Variants in MAP2K5 observed in about 807,000 individuals in gnomAD.
MAP2K5 encodes dual specificity mitogen-activated protein kinase kinase 5.
A neutral mutation model predicts 83.1 loss-of-function variants in MAP2K5; 49 were observed. The ratio of observed to expected loss-of-function variants is 0.59; its 90% confidence interval spans 0.47 to 0.75. MAP2K5 has a LOEUF of 0.75. MAP2K5 is among the 30% of genes least tolerant of loss of function. MAP2K5 has a pLI of 0.00. For missense variants in MAP2K5, 457 were observed against 557.5 expected (o/e 0.82, Z 1.82); for synonymous variants, 202 against 191.8 (o/e 1.05, Z -0.44).
At chr15:67,670,861 A>G (rs939568452) in intron 13 of MAP2K5, among the ~76,000 whole-genome samples, 2 of 152,224 alleles carry the variant, frequency 1.3e-5, no homozygotes, top group African/African-American at 4.8e-5. Context: ...ACAATTTGAA[A>G]CATCTGGAAA....
intron 8 of MAP2K5, among the ~76,000 whole-genome samples, chr15:67,611,499 G>A (rs920409715): frequency 3.3e-5 from 5 of 152,056 alleles, no homozygotes; most frequent in African/African-American, 9.7e-5. Context: ...GCCCTTATAC[G>A]TGGAAGATGC....
intron 4 of MAP2K5, 69 bp from the exon 5 acceptor site, chr15:67,585,812 TCTTTTTAAA>T: frequency 7.7e-7 from 1 of 1,303,860 alleles, no homozygotes. Context: ...CACCCTCATT[TCTTTTTAAA>T]CGATTCATTT....
chr15:67,720,088 C>T lies in MAP2K5; in HGVS notation c.1045-7828C>T, dbSNP rs958022107. On this transcript the variant is annotated intron_variant, in intron 16 of 21. Transcript: ENST00000178640. This position sits in a 1 kb window ranked among gnomAD's most constrained non-coding sequence, Gnocchi z 5.7. ...GGCATTTTTAAATTGAGGGTTTTTT[C>T]CCCTTTTTTATTTATCAATTAGCTG... 9.2e-5 allele frequency among the ~76,000 whole-genome samples: 14 copies of T among 151,988 alleles called. No homozygotes were observed. The highest frequency in any genetic ancestry group is 3.9e-4 in the Admixed American group (6 of 15,252).
chr15:67,802,728 A>G lies in MAP2K5; in HGVS notation c.1243-3918A>G, dbSNP rs1211759178. Among the ~76,000 whole-genome samples, 1 of 152,214 alleles carries G rather than the reference A, an allele frequency of 6.6e-6. No individual in the cohort carries two copies. Among genetic ancestry groups the G allele is most frequent in the Non-Finnish European group, 1.5e-5 (1 of 68,034 alleles). ...CTGGGGCGGTCACCGTGGGTGGAAG[A>G]TGCTCTTGACAAGCATCTGTATTGG... On this transcript the variant is annotated intron_variant, in intron 21 of 21. Transcript: ENST00000178640. This position sits in a 1 kb window ranked among gnomAD's most constrained non-coding sequence, Gnocchi z 5.0.
intron 9 of MAP2K5, among the ~76,000 whole-genome samples, chr15:67,639,305 T>G (rs11632827): frequency 0.16 from 24,994 of 152,198 alleles, 2,123 homozygotes; most frequent in East Asian, 0.22. Flanking sequence ...GTCAGACATG[T>G]ATACCAGCTT....
chr15:67,806,417 A>C (rs2090808000), intron 21 of MAP2K5, among the ~76,000 whole-genome samples: 1 of 152,132 alleles, frequency 6.6e-6, no homozygotes, highest in South Asian at 2.1e-4. Flanking sequence ...GCAGAGTCTG[A>C]GATGTGCCAG....
chr15:67,754,433 T>G (rs1596915112), intron 19 of MAP2K5, among the ~76,000 whole-genome samples: 1 of 152,220 alleles, frequency 6.6e-6, no homozygotes, highest in East Asian at 1.9e-4. Context: ...TATTTTTATT[T>G]ACTTCAAGGG....
chr15:67,545,517 C>T (rs2084372387), intron 1 of MAP2K5, among the ~76,000 whole-genome samples: 1 of 152,170 alleles, frequency 6.6e-6, no homozygotes, highest in Non-Finnish European at 1.5e-5. Flanking sequence ...CTTGTACCTT[C>T]CTCAAAGACT....
Position 67,782,548 on chromosome 15 carries a change from G to A in MAP2K5, c.1242+9796G>A, listed in dbSNP as rs1360373958. 6.6e-6 allele frequency among the ~76,000 whole-genome samples: 1 copy of A among 152,086 alleles called. No homozygotes were observed. The highest frequency in any genetic ancestry group is 1.9e-4 in the East Asian group (1 of 5,190). ...GGCGCCTCTCTTCTCACAGTGACCA[G>A]GCCTGAGTTTATTCAGCATTCACAG... On this transcript the variant is annotated intron_variant, in intron 21 of 21. Coordinates refer to ENST00000178640, the MANE Select transcript of MAP2K5 (RefSeq NM_145160.3). This position sits in a 1 kb window ranked among gnomAD's most constrained non-coding sequence, Gnocchi z 4.9.
In MAP2K5 at chr15:67,550,250, T is replaced by C. The variant is rs539997691; in HGVS notation, c.184+168T>C. Among the ~76,000 whole-genome samples, 55 of 152,362 alleles carry C rather than the reference T, an allele frequency of 3.6e-4. 1 individual carries two copies. In the South Asian group the frequency reaches 9.3e-3, roughly 26 times the overall value. On this transcript the variant is annotated intron_variant, in intron 2 of 21. Transcript: ENST00000178640. ...TATAAGTTTAATGATGATACTGAAC[T>C]GAGTAATATTTTCTTATTTAATCAT... is the stretch of plus-strand genomic sequence containing the variant.
At chr15:67,642,317 C>A (rs1490066499) in intron 9 of MAP2K5, 3 of 773,080 alleles carry the variant, frequency 3.9e-6, no homozygotes, top group Non-Finnish European at 4.1e-6. Context: ...GTGAGTTAGA[C>A]CCTGTGTGGA....
chr15:67,654,219 C>G lies in MAP2K5; in HGVS notation c.737-4334C>G, dbSNP rs183296287. On this transcript the variant is annotated intron_variant, in intron 11 of 21. Transcript: ENST00000178640. ...ATATTTTGGCACTCCGTTGTTAGGT[C>G]CATGCATGTTTATAATTGTTATATC... is the stretch of plus-strand genomic sequence containing the variant. 1.5e-3 allele frequency among the ~76,000 whole-genome samples: 226 copies of G among 152,152 alleles called. 1 individual carries two copies. Among genetic ancestry groups the G allele is most frequent in the African/African-American group, 5.1e-3 (210 of 41,528 alleles).
In MAP2K5 at chr15:67,543,014, C is replaced by CA; in HGVS notation, c.-321dup. ...CCTTGCCCTGCTGCCTCCTCATACC[C>CA]ACACGGCGGCAGAGACCTTCACCAT... On this transcript the variant is annotated 5_prime_UTR_variant, in exon 1 of 22. Coordinates refer to ENST00000178640, the MANE Select transcript of MAP2K5 (RefSeq NM_145160.3). This position sits in a 1 kb window ranked among gnomAD's most constrained non-coding sequence, Gnocchi z 4.3. The CA allele has an allele frequency of 5.4e-6, 2 of 369,756 alleles. No individual in the cohort carries two copies. Among genetic ancestry groups the CA allele is most frequent in the South Asian group, 6.2e-5 (2 of 32,010 alleles). The allele number at this position is 369,756 out of a possible 1,614,324, so 22.9% of individuals were successfully genotyped here.
chr15:67,590,103 G>C (rs1046615520), intron 6 of MAP2K5, among the ~76,000 whole-genome samples: 8 of 152,074 alleles, frequency 5.3e-5, no homozygotes, highest in African/African-American at 1.9e-4. Context: ...TTAGTGCATC[G>C]ATTCTTAGAT....
At position 67,790,270 on chromosome 15, in the gene MAP2K5, G is replaced by A. The variant is rs1183205516; in HGVS notation, c.1243-16376G>A. ...CCTGATGGAGCCCTGACCAGCAAGC[G>A]TGCAATGCCCCTAGCCCTAATGTGC... On this transcript the variant is annotated intron_variant, in intron 21 of 21. Coordinates refer to ENST00000178640, the MANE Select transcript of MAP2K5 (RefSeq NM_145160.3). The surrounding 1 kb of genome is among the most constrained non-coding windows in gnomAD (Gnocchi z 4.6). 6.6e-6 allele frequency among the ~76,000 whole-genome samples: 1 copy of A among 152,090 alleles called. No homozygotes were observed. The highest frequency in any genetic ancestry group is 2.4e-5 in the African/African-American group (1 of 41,386).
rs925287473 is a variant in MAP2K5, at chr15:67,758,998, C to A, written c.1134+10397C>A. Among the ~76,000 whole-genome samples the A allele has an allele frequency of 6.6e-6, 1 of 152,178 alleles. No individual in the cohort carries two copies. Among genetic ancestry groups the A allele is most frequent in the African/African-American group, 2.4e-5 (1 of 41,436 alleles). ...TCAGTTTTGCTGTCTATATGAATGA[C>A]CGCACATCTTTCAGTTAATTGAATT... On this transcript the variant is annotated intron_variant, in intron 19 of 21. Coordinates refer to ENST00000178640, the MANE Select transcript of MAP2K5 (RefSeq NM_145160.3). This position sits in a 1 kb window ranked among gnomAD's most constrained non-coding sequence, Gnocchi z 4.7.
At position 67,641,507 on chromosome 15, in the gene MAP2K5, G is replaced by A. The variant is rs549010588; in HGVS notation, c.586-4724G>A. 26 of 999,998 alleles carry A rather than the reference G, an allele frequency of 2.6e-5. No homozygotes were observed. In the South Asian group the frequency reaches 2.8e-4, roughly 11 times the overall value. 61.9% of individuals were successfully genotyped at this position (999,998 alleles called of 1,614,324 possible). A position where few individuals can be genotyped will look rare whatever the true frequency, so the allele number is the denominator to read the frequency against. ...CCATGACAGCTTGTGATGAATTGCCGTATTTATACTGTATATTTTAATAGC... is the reference window on the plus strand; with the variant it reads ...CCATGACAGCTTGTGATGAATTGCCATATTTATACTGTATATTTTAATAGC... On this transcript the variant is annotated intron_variant, in intron 9 of 21. Transcript: ENST00000178640.
At chr15:67,594,707 T>C (rs2085487157) in intron 7 of MAP2K5, among the ~76,000 whole-genome samples, 3 of 152,214 alleles carry the variant, frequency 2.0e-5, no homozygotes, top group African/African-American at 7.2e-5. Context: ...CTTAAATGTT[T>C]ATTGCTTTCC....
intron 19 of MAP2K5, among the ~76,000 whole-genome samples, chr15:67,762,912 G>A (rs1057355465): frequency 3.3e-5 from 5 of 152,188 alleles, no homozygotes; most frequent in Admixed American, 1.3e-4. Flanking sequence ...TCTGAGACAA[G>A]TTAAATGAGC....
Sources: gnomAD v4.1 joint callset for allele counts (sites outside exome capture counted in the v4.1 genomes callset) on GRCh38, gnomAD v4.1.1 for gene constraint, Gnocchi (gnomAD v3.1) non-coding constraint, MANE v1.5 for transcripts, NCBI Gene and HGNC (gene_info 2026-07-23, HGNC 2026-07-21) for gene names.